PHIP: variants seen among roughly 807,000 people sequenced by gnomAD.
PHIP encodes PH-interacting protein.
PHIP carries 54 observed loss-of-function variants against 236.8 expected under a neutral mutation model. The observed-to-expected ratio is 0.23, with a 90% confidence interval of 0.18 to 0.29. PHIP has a LOEUF of 0.29. Ranked by LOEUF, PHIP falls within the 10% of genes least tolerant of loss-of-function variation. The pLI is 1.00. For missense variants in PHIP, 1,370 were observed against 2,190.8 expected, an observed-to-expected ratio of 0.63 and a Z score of 7.48; for synonymous variants, 756 against 718.9, an observed-to-expected ratio of 1.05 and a Z score of -0.83.
chr6:79,006,173 T>C (rs535237689), intron 15 of PHIP, among the ~76,000 whole-genome samples: 4 of 152,116 alleles, frequency 2.6e-5, no homozygotes, highest in African/African-American at 9.6e-5. Context: ...ATTAAAAGAA[T>C]CTGCTTTACT....
chr6:79,044,854 A>C (rs889347531), intron 6 of PHIP, among the ~76,000 whole-genome samples: 1 of 152,202 alleles, frequency 6.6e-6, no homozygotes, highest in Non-Finnish European at 1.5e-5. Flanking sequence ...TATAAGCAAA[A>C]ACTACTTCTC....
At chr6:78,946,288 C>G in intron 37 of PHIP, 28 bp from the exon 38 acceptor site, 9 of 1,587,320 alleles carry the variant, frequency 5.7e-6, no homozygotes, top group Non-Finnish European at 7.7e-6. Context: ...TTGTCAGTCA[C>G]TCTTATAGCT....
intron 9 of PHIP, 133 bp from the exon 10 acceptor site, chr6:79,019,292 T>TA (rs1252403709): frequency 3.2e-6 from 2 of 626,704 alleles, no homozygotes; most frequent in African/African-American, 3.7e-5. Context: ...AAAAACAACT[T>TA]AGAAATCATT....
intron 6 of PHIP, among the ~76,000 whole-genome samples, chr6:79,051,524 C>T (rs1772795713): frequency 6.6e-6 from 1 of 152,090 alleles, no homozygotes; most frequent in South Asian, 2.1e-4. Context: ...TTCCAGATTT[C>T]TAGATATTCA....
intron 7 of PHIP, among the ~76,000 whole-genome samples, chr6:79,038,071 T>C (rs1459903859): frequency 6.6e-6 from 1 of 152,230 alleles, no homozygotes; most frequent in Non-Finnish European, 1.5e-5. Context: ...TGTATTCAGT[T>C]TTTCAATTCC....
Position 79,043,019 on chromosome 6 carries a change from A to G in PHIP, c.440-16T>C. 6.3e-7 allele frequency: 1 copy of G among 1,592,750 alleles called. No homozygotes were observed. Among genetic ancestry groups the G allele is most frequent in the Non-Finnish European group, 8.6e-7 (1 of 1,168,322 alleles). ...AGAGTATCCGCTACCAAGAAAAAGA[A>G]GGAAAATAAATGTAATCTGGAAATT... is the stretch of plus-strand genomic sequence containing the variant. On this transcript the variant is annotated splice_polypyrimidine_tract_variant and intron_variant, in intron 6 of 39. Transcript: ENST00000275034.
At chr6:78,959,510 A>T (rs1766630098) in intron 31 of PHIP, among the ~76,000 whole-genome samples, 2 of 152,144 alleles carry the variant, frequency 1.3e-5, no homozygotes, top group African/African-American at 2.4e-5. Flanking sequence ...AAGAGATTGA[A>T]CTAGAAGTTT....
rs1264539075 is a variant in PHIP at position 79,060,896 on chromosome 6, AT to A, written c.190-79del. 1.4e-5 allele frequency: 13 copies of A among 953,918 alleles called. 1 individual carries two copies. The Middle Eastern group carries it at 8.9e-4, about 66-fold the overall frequency. The allele number at this position is 953,918 out of a possible 1,614,324, so 59.1% of individuals were successfully genotyped here. A position where few individuals can be genotyped will look rare whatever the true frequency, so the allele number is the denominator to read the frequency against. On this transcript the variant is annotated intron_variant, in intron 4 of 39. Transcript: ENST00000275034. ...AAAATCTTTGAGCAACAATAAAAAA[AT>A]TCATCCAAGTATAAAATATTTTGTT...
chr6:79,055,990 T>G (rs1197714917), intron 6 of PHIP, among the ~76,000 whole-genome samples: 2 of 152,180 alleles, frequency 1.3e-5, no homozygotes, highest in Non-Finnish European at 2.9e-5. Context: ...TTACCCACCT[T>G]TGAACTTTAC....
At chr6:78,973,073 T>C (rs1031411974) in intron 24 of PHIP, among the ~76,000 whole-genome samples, 2 of 151,964 alleles carry the variant, frequency 1.3e-5, no homozygotes, top group African/African-American at 2.4e-5. Flanking sequence ...GACACATAAT[T>C]GTCAGATTCA....
intron 15 of PHIP, among the ~76,000 whole-genome samples, chr6:79,009,177 G>A (rs1350758020): frequency 6.6e-6 from 1 of 151,918 alleles, no homozygotes; most frequent in African/African-American, 2.4e-5. Flanking sequence ...AAGGTTCATA[G>A]GTATTTATGC....
chr6:79,015,620 T>A lies in PHIP; in HGVS notation c.1389+10A>T, dbSNP rs895671834. 1.3e-5 allele frequency: 21 copies of A among 1,577,120 alleles called. No homozygotes were observed. Among genetic ancestry groups the A allele is most frequent in the Non-Finnish European group, 1.7e-5 (20 of 1,158,502 alleles). ...AGTTATATCAAATAAAGATTAGAAT[T>A]TTTTCTCACCATCAGGACATGAATT... On this transcript the variant is annotated intron_variant, in intron 14 of 39. Coordinates refer to ENST00000275034, the MANE Select transcript of PHIP (RefSeq NM_017934.7).
chr6:79,022,665 T>C (rs1181855413), intron 9 of PHIP, among the ~76,000 whole-genome samples: 2 of 152,194 alleles, frequency 1.3e-5, no homozygotes, highest in African/African-American at 4.8e-5. Context: ...CCTAGTCTCT[T>C]TACACCTAAG....
At chr6:79,061,179 C>G (rs908880157) in intron 4 of PHIP, among the ~76,000 whole-genome samples, 5 of 152,064 alleles carry the variant, frequency 3.3e-5, no homozygotes, top group African/African-American at 1.2e-4. Context: ...GCATTTGAAA[C>G]CATGACATGA....
At chr6:79,053,031 A>G (rs1329150221) in intron 6 of PHIP, among the ~76,000 whole-genome samples, 2 of 152,164 alleles carry the variant, frequency 1.3e-5, no homozygotes, top group East Asian at 3.9e-4. Flanking sequence ...TAATAAAGTA[A>G]GATCAGCTGA....
At chr6:79,034,221 A>G (rs1771816969) in intron 7 of PHIP, among the ~76,000 whole-genome samples, 1 of 152,228 alleles carries the variant, frequency 6.6e-6, no homozygotes, top group Non-Finnish European at 1.5e-5. Context: ...ATTTGTAAAA[A>G]ATACAGTATT....
At chr6:79,000,523 T>C (rs1164979811) in intron 17 of PHIP, among the ~76,000 whole-genome samples, 1 of 152,032 alleles carries the variant, frequency 6.6e-6, no homozygotes, top group Non-Finnish European at 1.5e-5. Context: ...ATTTAAAAAG[T>C]AATAATAATA....
In PHIP at chr6:79,047,982, T is replaced by C. The variant is rs1582281689; in HGVS notation, c.440-4979A>G. ...TAAATTTTGATTACATTATTGTATATATGGTTATATATACATATGTATTTT... is the reference window on the plus strand; with the variant it reads ...TAAATTTTGATTACATTATTGTATACATGGTTATATATACATATGTATTTT... On this transcript the variant is annotated intron_variant, in intron 6 of 39. Transcript: ENST00000275034. Among the ~76,000 whole-genome samples, 8 of 151,858 alleles carry C rather than the reference T, an allele frequency of 5.3e-5. No individual in the cohort carries two copies. The South Asian group carries it at 1.2e-3, about 24-fold the overall frequency.
At chr6:79,017,285 G>T in intron 12 of PHIP, 61 bp downstream of exon 12, 4 of 984,106 alleles carry the variant, frequency 4.1e-6, no homozygotes, top group East Asian at 2.6e-5. Context: ...AAAATCTGAT[G>T]ACTAAAATTG....
Sources: allele counts gnomAD v4.1 joint callset (sites outside exome capture counted in the v4.1 genomes callset), GRCh38; gene constraint gnomAD v4.1.1; transcripts MANE v1.5; gene names NCBI Gene and HGNC (gene_info 2026-07-23, HGNC 2026-07-21).